The following ERCC2 variants were observed in gnomAD, a reference collection of about 807,000 sequenced individuals.
The protein encoded by ERCC2 is general transcription and DNA repair factor IIH helicase subunit XPD.
A neutral mutation model predicts 99.4 loss-of-function variants in ERCC2; 90 were observed. The ratio of observed to expected loss-of-function variants is 0.91; its 90% confidence interval spans 0.76 to 1.08. The LOEUF (loss-of-function observed/expected upper bound fraction) is 1.08, where lower values mean the gene tolerates loss of function less well. Ranked by LOEUF, ERCC2 falls within the 50% of genes least tolerant of loss-of-function variation. The pLI, the probability that ERCC2 is intolerant of heterozygous loss-of-function variation, is 0.00. For synonymous variants in ERCC2, 497 were observed against 432.4 expected (o/e 1.15, Z -1.85); for missense variants, 993 against 1,038.1 (o/e 0.96, Z 0.60).
intron 16 of ERCC2, 104 bp from the exon 17 acceptor site, chr19:45,354,955 GC>G (rs1233173787): frequency 3.4e-6 from 5 of 1,467,414 alleles, no homozygotes; most frequent in Admixed American, 1.7e-5. Context: ...TGCCTGTCAG[GC>G]TTTTCACACA....
chr19:45,351,137 A>C lies in ERCC2; in HGVS notation c.*492T>G, dbSNP rs1043840186. The C allele has an allele frequency of 3.7e-6, 6 of 1,601,974 alleles. No individual in the cohort carries two copies. The South Asian group carries it at 5.6e-5, about 15-fold the overall frequency. On this transcript the variant is annotated 3_prime_UTR_variant, in exon 23 of 23. Transcript: ENST00000391945. ...GCAGGTGGTGGGTTGGTGTCAGAAG[A>C]GACCCAGGACAGGAGCAAAGATGGG... is the stretch of plus-strand genomic sequence containing the variant.
rs895615160 is a variant in ERCC2, at chr19:45,363,698, C to A, written c.1118+45G>T. The A allele has an allele frequency of 2.6e-6, 4 of 1,514,768 alleles. No homozygotes were observed. The African/African-American group carries it at 5.5e-5, about 21-fold the overall frequency. 93.8% of individuals were successfully genotyped at this position (1,514,768 alleles called of 1,614,324 possible). A position where few individuals can be genotyped will look rare whatever the true frequency, so the allele number is the denominator to read the frequency against. On this transcript the variant is annotated intron_variant, in intron 11 of 22. Coordinates refer to ENST00000391945, the MANE Select transcript of ERCC2 (RefSeq NM_000400.4). ...CGTGGAGGACACGGCTCTGCATAAC[C>A]GGGACCTGCCGGGCCCCCACCCCGC...
At position 45,351,646 on chromosome 19, in the gene ERCC2, TCTGCTCTATCCTCTTCAG is replaced by T; in HGVS notation, c.2248_2265del (p.Leu750_Gln755del). 4 of 1,614,000 alleles carry T rather than the reference TCTGCTCTATCCTCTTCAG, an allele frequency of 2.5e-6. No individual in the cohort carries two copies. The highest frequency in any genetic ancestry group is 2.5e-6 in the Non-Finnish European group (3 of 1,179,964). Reference sequence around the variant, plus strand: ...CGCCCCACTCAGAGCTGCTGAGCAATCTGCTCTATCCTCTTCAGCGTCTCCTCTGATTCTAGCTGCTCC... The same window carrying T: ...CGCCCCACTCAGAGCTGCTGAGCAATCGTCTCCTCTGATTCTAGCTGCTCC... On this transcript the variant is annotated inframe_deletion, in exon 23 of 23. Transcript: ENST00000391945.
intron 15 of ERCC2, 79 bp downstream of exon 15, chr19:45,357,191 G>C: frequency 2.9e-6 from 3 of 1,023,196 alleles, no homozygotes; most frequent in Non-Finnish European, 4.5e-6. Flanking sequence ...TGCCTGAGCA[G>C]TGGGGGAAGC....
intron 15 of ERCC2, among the ~76,000 whole-genome samples, chr19:45,356,739 G>A (rs1211379301): frequency 2.6e-5 from 4 of 152,160 alleles, no homozygotes; most frequent in African/African-American, 4.8e-5. Context: ...TCCAGGAGGC[G>A]GAGGTTGCAG....
chr19:45,351,802 C>CG (rs1360711614), intron 22 of ERCC2, 81 bp from the exon 23 acceptor site: 75 of 1,242,882 alleles, frequency 6.0e-5, no homozygotes, highest in Non-Finnish European at 8.6e-5. Flanking sequence ...CAACCACCCC[C>CG]CCGAATGGCC....
chr19:45,352,456 T>C, intron 21 of ERCC2, 50 bp downstream of exon 21: 1 of 1,614,036 alleles, frequency 6.2e-7, no homozygotes, highest in African/African-American at 1.3e-5. Context: ...GGAAACAGCC[T>C]GGTTCTTGGA....
chr19:45,360,388 T>A (rs1972177708), intron 12 of ERCC2, among the ~76,000 whole-genome samples: 1 of 149,768 alleles, frequency 6.7e-6, no homozygotes, highest in African/African-American at 2.5e-5. Flanking sequence ...GGCCTTTTTT[T>A]TTTTTTTGAG....
At position 45,351,549 on chromosome 19, in the gene ERCC2, T is replaced by C. The variant is rs1971777854; in HGVS notation, c.*80A>G. Reference sequence around the variant, plus strand: ...TGTCACCTGACTTCATAAGACCTTCTAGCACCACCGCCGCTGGGAACCAGG... The same window carrying C: ...TGTCACCTGACTTCATAAGACCTTCCAGCACCACCGCCGCTGGGAACCAGG... On this transcript the variant is annotated 3_prime_UTR_variant, in exon 23 of 23. Transcript: ENST00000391945. 1.2e-6 allele frequency: 2 copies of C among 1,606,876 alleles called. No individual in the cohort carries two copies. Among genetic ancestry groups the C allele is most frequent in the Admixed American group, 3.3e-5 (2 of 60,002 alleles).
rs201136879 is a variant in ERCC2, at chr19:45,351,016, A to C, written c.*613T>G. 6.1e-5 allele frequency: 99 copies of C among 1,614,086 alleles called. No homozygotes were observed. The African/African-American group carries it at 1.1e-3, about 18-fold the overall frequency. ...GATGCTCCAAGGGCTCCTGGGACTC[A>C]GGTGAGGGGGACATCTGGGTCAAAA... On this transcript the variant is annotated 3_prime_UTR_variant, in exon 23 of 23. Coordinates refer to ENST00000391945, the MANE Select transcript of ERCC2 (RefSeq NM_000400.4).
In ERCC2 at chr19:45,364,070, C is replaced by G. The variant is rs1228731328; in HGVS notation, c.865G>C (p.Val289Leu). ...GCGCTGGCCTCCCGCAGCCCCTCCA[C>G]CAGACGCCGGTACTCGTCCCGCAGG... ...QRLRDEYRRL[V>L]EGLREASAAR... The change falls in exon 10 of 23, where the codon GTG (valine) becomes CTG (leucine). Residue 289 changes from valine to leucine, a missense_variant. Physicochemically the swap from Val to Leu is conservative, Grantham distance 32. Coordinates refer to ENST00000391945, the MANE Select transcript of ERCC2 (RefSeq NM_000400.4). The G allele has an allele frequency of 6.3e-7, 1 of 1,588,550 alleles. No individual in the cohort carries two copies. Among genetic ancestry groups the G allele is most frequent in the Admixed American group, 1.8e-5 (1 of 56,216 alleles).
At chr19:45,363,687 C>G (rs1972306697) in intron 11 of ERCC2, 56 bp downstream of exon 11, 1 of 1,502,986 alleles carries the variant, frequency 6.7e-7, no homozygotes. Context: ...GAGGACACGG[C>G]TCTGCATAAC....
Position 45,351,246 on chromosome 19 carries a change from C to CCTCA in ERCC2, c.*379_*382dup. 2.9e-6 allele frequency: 2 copies of CCTCA among 690,830 alleles called. No homozygotes were observed. Among genetic ancestry groups the CCTCA allele is most frequent in the Non-Finnish European group, 4.3e-6 (2 of 468,334 alleles). 42.8% of individuals were successfully genotyped at this position (690,830 alleles called of 1,614,324 possible). A position where few individuals can be genotyped will look rare whatever the true frequency, so the allele number is the denominator to read the frequency against. ...CTGGAGGGTGGATGTAACACTTGCC[C>CCTCA]CTCACCTCCCCTCCAACCATCCCCT... On this transcript the variant is annotated 3_prime_UTR_variant, in exon 23 of 23. Transcript: ENST00000391945.
rs1327491174 is a variant in ERCC2 at position 45,350,812 on chromosome 19, C to A, written c.*817G>T. 3 of 1,300,326 alleles carry A rather than the reference C, an allele frequency of 2.3e-6. No individual in the cohort carries two copies. Among genetic ancestry groups the A allele is most frequent in the Non-Finnish European group, 2.2e-6 (2 of 926,172 alleles). 80.5% of individuals were successfully genotyped at this position (1,300,326 alleles called of 1,614,324 possible). ...CAGAATCCACAGCCCACCCCACCCC[C>A]ACCCCCATCTTGCTCAAGAACCTTC... On this transcript the variant is annotated 3_prime_UTR_variant, in exon 23 of 23. Coordinates refer to ENST00000391945, the MANE Select transcript of ERCC2 (RefSeq NM_000400.4).
chr19:45,367,368 T>TACAC (rs35938083), intron 5 of ERCC2, among the ~76,000 whole-genome samples: 1,497 of 83,292 alleles, frequency 0.018, 6 homozygotes, highest in Non-Finnish European at 0.026. Context: ...TATATATATA[T>TACAC]ACACACACAC....
chr19:45,357,151 G>C (rs993469036), intron 15 of ERCC2, 119 bp downstream of exon 15: 1 of 716,884 alleles, frequency 1.4e-6, no homozygotes, highest in Non-Finnish European at 2.4e-6. Flanking sequence ...TCTGAATCCC[G>C]AACCCAGCCT....
intron 16 of ERCC2, 83 bp from the exon 17 acceptor site, chr19:45,354,934 C>T: frequency 6.4e-7 from 1 of 1,571,008 alleles, no homozygotes; most frequent in Non-Finnish European, 8.7e-7. Flanking sequence ...TTCTGGAAAC[C>T]CCACTGAGGC....
chr19:45,364,457 C>G lies in ERCC2; in HGVS notation c.685G>C (p.Ala229Pro), dbSNP rs1440197696. The G allele has an allele frequency of 6.2e-7, 1 of 1,614,012 alleles. No homozygotes were observed. Among genetic ancestry groups the G allele is most frequent in the Non-Finnish European group, 8.5e-7 (1 of 1,180,002 alleles). ...TGGGCCTCGTCGAAGACCACGACGG[C>G]CTTGCGGGCCAGTTCCTTGGACACC... ...DLVSKELARKAVVVFDEAHNI... is the reference protein window; with the variant it reads ...DLVSKELARKPVVVFDEAHNI... Residue 229 changes from alanine (A) to proline (P), a missense_variant, in exon 8 of 23, where the codon GCC (alanine) becomes CCC (proline). Transcript: ENST00000391945.
In ERCC2 at chr19:45,351,093, C is replaced by A. The variant is rs184083004; in HGVS notation, c.*536G>T. On this transcript the variant is annotated 3_prime_UTR_variant, in exon 23 of 23. Coordinates refer to ENST00000391945, the MANE Select transcript of ERCC2 (RefSeq NM_000400.4). ...AGAGATGAGGCAAAGGCAGGGCGGT[C>A]GGGCCAGTGGTGGAGTCAGCAGGTG... The A allele has an allele frequency of 1.2e-6, 2 of 1,611,168 alleles. No individual in the cohort carries two copies. Among genetic ancestry groups the A allele is most frequent in the Non-Finnish European group, 1.7e-6 (2 of 1,178,656 alleles).
Sources: gnomAD v4.1 joint callset for allele counts (sites outside exome capture counted in the v4.1 genomes callset) on GRCh38, gnomAD v4.1.1 for gene constraint, MANE v1.5 for transcripts, NCBI Gene and HGNC (gene_info 2026-07-23, HGNC 2026-07-21) for gene names.